Variants in LMCD1 observed in about 807,000 individuals in gnomAD.
The protein encoded by LMCD1 is LIM and cysteine rich domains 1, also known as LIM and cysteine-rich domains protein 1.
In LMCD1, 32 loss-of-function variants were observed where a neutral mutation model predicts 42.7. The ratio of observed to expected loss-of-function variants is 0.75; its 90% CI spans 0.57 to 1.01. The LOEUF (loss-of-function observed/expected upper bound fraction) is 1.01. Ranked by LOEUF, LMCD1 falls within the 50% of genes least tolerant of loss-of-function variation. The pLI is 0.00. For missense variants in LMCD1, 458 were observed against 483.1 expected, an observed-to-expected ratio of 0.95 and a Z score of 0.49; for synonymous variants, 178 against 184.9, an observed-to-expected ratio of 0.96 and a Z score of 0.30.
chr3:8,536,866 C>T (rs1694515471), intron 2 of LMCD1, among the ~76,000 whole-genome samples: 1 of 152,176 alleles, frequency 6.6e-6, no homozygotes, highest in Non-Finnish European at 1.5e-5. Context: ...ACACAGACTC[C>T]AGCCCAGCTT....
At chr3:8,502,594 AC>A in intron 1 of LMCD1, among the ~76,000 whole-genome samples, 1 of 146,638 alleles carries the variant, frequency 6.8e-6, no homozygotes, top group South Asian at 2.1e-4. Flanking sequence ...ACACACACAC[AC>A]ACACACACAC....
At chr3:8,520,921 CT>C (rs1694193150) in intron 1 of LMCD1, among the ~76,000 whole-genome samples, 1 of 152,194 alleles carries the variant, frequency 6.6e-6, no homozygotes, top group South Asian at 2.1e-4. Context: ...AACGGGCTGA[CT>C]TTTCTAGAAA....
rs1173184268 is a variant in LMCD1, at chr3:8,527,249, G to A, written c.43-5488G>A. ...AAAGATAAAACACTTTTGATTAAAGGCCAGTATAGGAAAAGGTAGATTTAG... is the reference window on the plus strand; with the variant it reads ...AAAGATAAAACACTTTTGATTAAAGACCAGTATAGGAAAAGGTAGATTTAG... On this transcript the variant is annotated intron_variant, in intron 1 of 5. Coordinates refer to ENST00000157600, the MANE Select transcript of LMCD1 (RefSeq NM_014583.4). 2.0e-5 allele frequency among the ~76,000 whole-genome samples: 3 copies of A among 152,114 alleles called. No homozygotes were observed. In the East Asian group the frequency reaches 5.8e-4, roughly 29 times the overall value.
intron 5 of LMCD1, among the ~76,000 whole-genome samples, chr3:8,565,873 T>G (rs755417582): frequency 6.6e-6 from 1 of 152,232 alleles, no homozygotes; most frequent in Non-Finnish European, 1.5e-5. Context: ...GTGAATCTTG[T>G]CCTTGGCATA....
chr3:8,542,002 C>CTTTTTTTTTTTT (rs1187864989), intron 3 of LMCD1, among the ~76,000 whole-genome samples: 9 of 76,736 alleles, frequency 1.2e-4, no homozygotes, highest in Non-Finnish European at 1.6e-4. Context: ...GAGGCTGGAG[C>CTTTTTTTTTTTT]TTTTTTTTTT....
At chr3:8,565,983 G>A (rs1695127205) in intron 5 of LMCD1, among the ~76,000 whole-genome samples, 1 of 152,180 alleles carries the variant, frequency 6.6e-6, no homozygotes, top group African/African-American at 2.4e-5. Context: ...TTATTATCAT[G>A]TGGTTACCTA....
chr3:8,553,098 G>A (rs1373833321), intron 4 of LMCD1, among the ~76,000 whole-genome samples: 1 of 152,164 alleles, frequency 6.6e-6, no homozygotes, highest in African/African-American at 2.4e-5. Context: ...AAGCACAGGT[G>A]CAGAATCTAC....
chr3:8,549,857 T>C, intron 4 of LMCD1: 2 of 719,312 alleles, frequency 2.8e-6, no homozygotes, highest in South Asian at 2.9e-5. Flanking sequence ...AACTCGGGTC[T>C]CTCTTCCTCT....
chr3:8,531,684 T>C (rs1694414884), intron 1 of LMCD1, among the ~76,000 whole-genome samples: 1 of 152,186 alleles, frequency 6.6e-6, no homozygotes, highest in Admixed American at 6.5e-5. Context: ...GAGATGAATG[T>C]GTTTTTCTCT....
intron 1 of LMCD1, among the ~76,000 whole-genome samples, chr3:8,519,056 C>A (rs1403082823): frequency 6.6e-6 from 1 of 152,102 alleles, no homozygotes; most frequent in African/African-American, 2.4e-5. Flanking sequence ...TATTGAGGAG[C>A]CACTATGTGC....
intron 1 of LMCD1, among the ~76,000 whole-genome samples, chr3:8,532,210 T>C (rs1252857385): frequency 6.6e-6 from 1 of 152,226 alleles, no homozygotes; most frequent in Non-Finnish European, 1.5e-5. Context: ...AGATTTTAAG[T>C]GCTCATGTGA....
At chr3:8,517,709 T>C (rs138560779) in intron 1 of LMCD1, among the ~76,000 whole-genome samples, 652 of 152,326 alleles carry the variant, frequency 4.3e-3, no homozygotes, top group Non-Finnish European at 7.5e-3. Flanking sequence ...CTTTAAACAA[T>C]TGGCAAGTAG....
At chr3:8,556,784 C>T (rs984851031) in intron 4 of LMCD1, among the ~76,000 whole-genome samples, 3 of 152,232 alleles carry the variant, frequency 2.0e-5, no homozygotes, top group Non-Finnish European at 4.4e-5. Context: ...CTGATGTTCT[C>T]TTACACGTGT....
At chr3:8,507,385 A>G (rs928003794) in intron 1 of LMCD1, among the ~76,000 whole-genome samples, 2 of 152,256 alleles carry the variant, frequency 1.3e-5, no homozygotes, top group Non-Finnish European at 2.9e-5. Flanking sequence ...TCACAAAAAC[A>G]GAAGAGACAA....
At chr3:8,537,942 G>C (rs1399405702) in intron 3 of LMCD1, among the ~76,000 whole-genome samples, 1 of 152,154 alleles carries the variant, frequency 6.6e-6, no homozygotes, top group Non-Finnish European at 1.5e-5. Flanking sequence ...AAAGCAACCA[G>C]AGAAATCTCA....
chr3:8,521,754 C>T (rs554836974), intron 1 of LMCD1, among the ~76,000 whole-genome samples: 2 of 152,222 alleles, frequency 1.3e-5, no homozygotes, highest in East Asian at 3.9e-4. Context: ...GGTGTCTTCT[C>T]CCTTATGCCA....
intron 3 of LMCD1, among the ~76,000 whole-genome samples, chr3:8,548,305 G>A (rs540120902): frequency 1.3e-5 from 2 of 152,144 alleles, no homozygotes; most frequent in South Asian, 4.2e-4. Context: ...GTAGCTAAGG[G>A]ATGCGTGTTT....
Position 8,548,340 on chromosome 3 carries a change from CAT to C in LMCD1, c.388-227_388-226del, listed in dbSNP as rs879364697. The stretch of plus-strand genomic sequence containing the variant: ...TTTCCTTTACTAAAGTTTTTTCTCT[CAT>C]GTGTGTTTTATTTGTCACAATGGAC... On this transcript the variant is annotated intron_variant, in intron 3 of 5. Transcript: ENST00000157600. 4.1e-3 allele frequency among the ~76,000 whole-genome samples: 623 copies of C among 152,190 alleles called. 4 individuals are homozygous for C. Among genetic ancestry groups the C allele is most frequent in the African/African-American group, 0.014 (568 of 41,522 alleles).
At position 8,570,430 on chromosome 3, in the gene LMCD1, C is replaced by T. The variant is rs776450690; in HGVS notation, c.*2832C>T. ...ACTGGGTCACACCATCATGGATGGG[C>T]ATTATCTCCCACAACAGTCCCCATG... On this transcript the variant is annotated 3_prime_UTR_variant, in exon 6 of 6. Transcript: ENST00000157600. 6.6e-6 allele frequency: 1 copy of T among 152,338 alleles called. No individual in the cohort carries two copies. The highest frequency in any genetic ancestry group is 6.5e-5 in the Admixed American group (1 of 15,294). 9.4% of individuals were successfully genotyped at this position (152,338 alleles called of 1,614,324 possible).
Sources: gnomAD v4.1 joint callset for allele counts (sites outside exome capture counted in the v4.1 genomes callset) on GRCh38, gnomAD v4.1.1 for gene constraint, MANE v1.5 for transcripts, NCBI Gene and HGNC (gene_info 2026-07-23, HGNC 2026-07-21) for gene names.